The following TBC1D22B variants were observed in gnomAD, a reference collection of about 807,000 sequenced individuals.
TBC1D22B encodes the protein chromosome 6 open reading frame 197.
In TBC1D22B, 32 loss-of-function variants were observed where a neutral mutation model predicts 69.1. The observed-to-expected ratio is 0.46, with a 90% confidence interval of 0.35 to 0.62. The LOEUF is 0.62. TBC1D22B is among the 20% of genes least tolerant of loss of function. The pLI is 0.00. For synonymous variants in TBC1D22B, 206 were observed against 229.8 expected (o/e 0.90, Z 0.94); for missense variants, 462 against 630.9 (o/e 0.73, Z 2.87).
At chr6:37,310,126 C>T (rs1425610001) in intron 8 of TBC1D22B, among the ~76,000 whole-genome samples, 2 of 142,472 alleles carry the variant, frequency 1.4e-5, no homozygotes, top group Non-Finnish European at 3.0e-5. Flanking sequence ...TTTAATATAG[C>T]TTTATATATG....
chr6:37,265,459 T>A (rs1227002921), intron 1 of TBC1D22B, among the ~76,000 whole-genome samples: 1 of 152,176 alleles, frequency 6.6e-6, no homozygotes, highest in Non-Finnish European at 1.5e-5. Context: ...GAGGAGGGCT[T>A]GTGGGCTTGA....
chr6:37,304,787 TA>T (rs1237529689), intron 8 of TBC1D22B, among the ~76,000 whole-genome samples: 1 of 152,116 alleles, frequency 6.6e-6, no homozygotes, highest in Non-Finnish European at 1.5e-5. Context: ...TCTACTTTTT[TA>T]AAAAAATCGC....
At chr6:37,301,828 T>C (rs541461274) in intron 8 of TBC1D22B, among the ~76,000 whole-genome samples, 10 of 152,164 alleles carry the variant, frequency 6.6e-5, no homozygotes, top group Non-Finnish European at 1.3e-4. Flanking sequence ...TTTTTTGCTA[T>C]GGCCCTCCTG....
intron 1 of TBC1D22B, among the ~76,000 whole-genome samples, chr6:37,267,119 T>C (rs1035807260): frequency 2.7e-5 from 4 of 150,848 alleles, no homozygotes; most frequent in Non-Finnish European, 4.4e-5. Flanking sequence ...AAATTTTTTG[T>C]AGGTACAAGG....
intron 1 of TBC1D22B, among the ~76,000 whole-genome samples, chr6:37,262,773 G>A (rs1032789899): frequency 6.6e-6 from 1 of 152,186 alleles, no homozygotes; most frequent in African/African-American, 2.4e-5. Context: ...AACACGTTTG[G>A]CATTTAAATT....
At chr6:37,330,632 C>T (rs1174749261) in intron 12 of TBC1D22B, among the ~76,000 whole-genome samples, 2 of 151,850 alleles carry the variant, frequency 1.3e-5, no homozygotes, top group Non-Finnish European at 2.9e-5. Flanking sequence ...GGTGACAGAG[C>T]GAGATCCTGT....
chr6:37,266,622 C>T (rs765661205), intron 1 of TBC1D22B, among the ~76,000 whole-genome samples: 46 of 152,040 alleles, frequency 3.0e-4, no homozygotes, highest in Admixed American at 5.2e-4. Context: ...CCACCATGCC[C>T]GGCTAATTTT....
chr6:37,329,756 C>T (rs1181113623), intron 12 of TBC1D22B, among the ~76,000 whole-genome samples: 1 of 152,192 alleles, frequency 6.6e-6, no homozygotes, highest in Non-Finnish European at 1.5e-5. Flanking sequence ...CATGCTTTAA[C>T]TTTATGGTCT....
chr6:37,301,475 T>C (rs1427725729), intron 8 of TBC1D22B, among the ~76,000 whole-genome samples: 1 of 152,224 alleles, frequency 6.6e-6, no homozygotes, highest in Admixed American at 6.5e-5. Context: ...ACATTTTATA[T>C]AAATGGAACC....
At chr6:37,276,499 G>A (rs1314397061) in intron 2 of TBC1D22B, among the ~76,000 whole-genome samples, 1 of 152,190 alleles carries the variant, frequency 6.6e-6, no homozygotes, top group Non-Finnish European at 1.5e-5. Flanking sequence ...CATGGGGAAT[G>A]ACAGCCTTTT....
intron 8 of TBC1D22B, among the ~76,000 whole-genome samples, chr6:37,302,863 A>T (rs954169634): frequency 6.6e-6 from 1 of 152,330 alleles, no homozygotes; most frequent in East Asian, 1.9e-4. Flanking sequence ...TTTCTCTCAC[A>T]TTAAAAGTCC....
At chr6:37,307,543 A>G (rs1767765034) in intron 8 of TBC1D22B, among the ~76,000 whole-genome samples, 1 of 151,900 alleles carries the variant, frequency 6.6e-6, no homozygotes, top group South Asian at 2.1e-4. Flanking sequence ...TTTGGTAGAG[A>G]CGGGGTTTCA....
At chr6:37,277,197 A>G (rs1412514348) in intron 2 of TBC1D22B, among the ~76,000 whole-genome samples, 1 of 152,316 alleles carries the variant, frequency 6.6e-6, no homozygotes, top group East Asian at 1.9e-4. Context: ...AATTCTCAGA[A>G]CATCCAGTAT....
intron 2 of TBC1D22B, among the ~76,000 whole-genome samples, chr6:37,273,198 A>C (rs981690077): frequency 6.6e-5 from 10 of 152,142 alleles, no homozygotes; most frequent in East Asian, 5.8e-4. Flanking sequence ...AAAAAAAAAA[A>C]AAAAAAACGA....
rs1317490111 is a variant in TBC1D22B at position 37,303,359 on chromosome 6, G to A, written c.983-9559G>A. On this transcript the variant is annotated intron_variant, in intron 8 of 12. Coordinates refer to ENST00000373491, the MANE Select transcript of TBC1D22B (RefSeq NM_017772.4). ...ACTTAAGTCAGAAATGCTAAGAATTGTTCATGATTCTGTTTCCTTACTCTT... is the reference window on the plus strand; with the variant it reads ...ACTTAAGTCAGAAATGCTAAGAATTATTCATGATTCTGTTTCCTTACTCTT... Among the ~76,000 whole-genome samples, 5 of 152,140 alleles carry A rather than the reference G, an allele frequency of 3.3e-5. No individual in the cohort carries two copies. The East Asian group carries it at 9.6e-4, about 29-fold the overall frequency.
chr6:37,296,352 G>A (rs1200210122), intron 8 of TBC1D22B, among the ~76,000 whole-genome samples: 2 of 152,140 alleles, frequency 1.3e-5, no homozygotes, highest in Non-Finnish European at 2.9e-5. Flanking sequence ...ACCCAGGCTG[G>A]ATTGATTGAT....
At position 37,269,638 on chromosome 6, in the gene TBC1D22B, G is replaced by A. The variant is rs781468708; in HGVS notation, c.101G>A (p.Arg34Gln). ...YGAQHPPLDP[R>Q]LTKNFIKERS... Reference sequence around the variant, plus strand: ...GCACAGCATCCTCCTCTTGACCCACGGCTCACCAAAAAGTAAGTCAAGACA... The same window carrying A: ...GCACAGCATCCTCCTCTTGACCCACAGCTCACCAAAAAGTAAGTCAAGACA... The change falls in exon 2 of 13, where the codon CGG becomes CAG. Residue 34 changes from arginine (R) to glutamine (Q), a missense_variant. This residue lies in a region of TBC1D22B where 237 missense variants were observed against 255.4 expected (regional missense o/e 0.93). Coordinates refer to ENST00000373491, the MANE Select transcript of TBC1D22B (RefSeq NM_017772.4). 9 of 1,613,788 alleles carry A rather than the reference G, an allele frequency of 5.6e-6. No individual in the cohort carries two copies. Among genetic ancestry groups the A allele is most frequent in the African/African-American group, 5.3e-5 (4 of 74,822 alleles).
At chr6:37,280,511 T>C (rs944200435) in intron 3 of TBC1D22B, among the ~76,000 whole-genome samples, 3 of 152,240 alleles carry the variant, frequency 2.0e-5, no homozygotes, top group Non-Finnish European at 2.9e-5. Context: ...GAACCTTCAG[T>C]GCCATGCACA....
At chr6:37,302,433 G>A (rs1024944702) in intron 8 of TBC1D22B, among the ~76,000 whole-genome samples, 1 of 152,138 alleles carries the variant, frequency 6.6e-6, no homozygotes, top group South Asian at 2.1e-4. Context: ...GAACTACTGA[G>A]GTCCAATATA....
Sources: gnomAD v4.1 joint callset for allele counts (sites outside exome capture counted in the v4.1 genomes callset) on GRCh38, gnomAD v4.1.1 for gene constraint, gnomAD v4.1.1 regional missense constraint, MANE v1.5 for transcripts, NCBI Gene and HGNC (gene_info 2026-07-23, HGNC 2026-07-21) for gene names.